The following STAG2 variants were observed in gnomAD, a reference collection of about 807,000 sequenced individuals.
STAG2 encodes STAG2 cohesin complex component.
In STAG2, 14 loss-of-function variants were observed where a neutral mutation model predicts 108.1. The ratio of observed to expected loss-of-function variants is 0.13; its 90% confidence interval spans 0.09 to 0.20. STAG2 has a LOEUF of 0.20. Among genes scored for constraint, STAG2 ranks in the 10% least tolerant of loss-of-function variants. STAG2 has a pLI of 1.00. For missense variants in STAG2, 440 were observed against 940.9 expected (o/e 0.47, Z 6.96); for synonymous variants, 307 against 302.7 (o/e 1.01, Z -0.15).
At chrX:124,044,708 G>A (rs974615480) in intron 7 of STAG2, among the ~76,000 whole-genome samples, 3 of 111,954 alleles carry the variant, frequency 2.7e-5, no homozygotes, top group Non-Finnish European at 5.6e-5. Flanking sequence ...TGTTGACTGT[G>A]TGATGTATTT....
chrX:124,086,299 T>C (rs1167016172), intron 29 of STAG2, among the ~76,000 whole-genome samples: 1 of 111,709 alleles, frequency 9.0e-6, no homozygotes, highest in Non-Finnish European at 1.9e-5. Context: ...CAGGTAGGTA[T>C]CATATCATAT....
At chrX:124,088,615 C>CTTTTTTT (rs35629422) in intron 30 of STAG2, among the ~76,000 whole-genome samples, 1 of 82,289 alleles carries the variant, frequency 1.2e-5, no homozygotes. Context: ...TATGTATAAT[C>CTTTTTTT]TTTTTTTTTT....
chrX:124,063,171 A>T lies in STAG2; in HGVS notation c.1787A>T (p.Asp596Val). Residue 596 changes from aspartate (D) to valine (V), a missense_variant, in exon 19 of 35, where the codon GAT (aspartate) becomes GTT (valine). Asp to Val is a radical substitution (Grantham distance 152). Transcript: ENST00000371145. ...TTGTTGCAGTTGCCTCAGTACTTTG[A>T]TTTGGAAATATATACCACTGGACGA... Reference protein sequence around the residue: ...TNLLQLPQYFDLEIYTTGRLE... With the variant: ...TNLLQLPQYFVLEIYTTGRLE... 8.3e-7 allele frequency: 1 copy of T among 1,204,852 alleles called. No individual in the cohort carries two copies. Among genetic ancestry groups the T allele is most frequent in the Non-Finnish European group, 1.1e-6 (1 of 890,842 alleles).
At chrX:124,063,699 A>AT (rs2058444803) in intron 19 of STAG2, 149 bp from the exon 20 acceptor site, 2 of 455,935 alleles carry the variant, frequency 4.4e-6, no homozygotes, top group Admixed American at 4.0e-5. Flanking sequence ...GTATTTATTT[A>AT]TCATGATTAG....
At chrX:123,990,676 A>G (rs73212914) in intron 1 of STAG2, among the ~76,000 whole-genome samples, 3,544 of 112,037 alleles carry the variant, frequency 0.032, 42 homozygotes, top group Middle Eastern at 0.06. Flanking sequence ...GGAAACTTAC[A>G]TAAAGTATAG....
intron 1 of STAG2, among the ~76,000 whole-genome samples, chrX:123,982,630 G>T (rs777781906): frequency 9.0e-6 from 1 of 110,696 alleles, no homozygotes; most frequent in Non-Finnish European, 1.9e-5. Context: ...CAAGTGATCC[G>T]CCCACCTTGG....
Position 123,983,974 on chromosome X carries a change from C to CT in STAG2, c.-163+22139dup, listed in dbSNP as rs199881082. Among the ~76,000 whole-genome samples, 219 of 61,426 alleles carry CT rather than the reference C, an allele frequency of 3.6e-3. 4 individuals are homozygous for CT. Among genetic ancestry groups the CT allele is most frequent in the East Asian group, 0.019 (35 of 1,870 alleles). 53.3% of individuals were successfully genotyped at this position (61,426 alleles called of 115,157 possible). A position where few individuals can be genotyped will look rare whatever the true frequency, so the allele number is the denominator to read the frequency against. Reference sequence around the variant, plus strand: ...AAAAAGAATAATTTTCTTTTCTTTTCTTTTTTTTTTTTTTTTTTTTTGAGA... The same window carrying CT: ...AAAAAGAATAATTTTCTTTTCTTTTCTTTTTTTTTTTTTTTTTTTTTTGAGA... On this transcript the variant is annotated intron_variant, in intron 1 of 34. Coordinates refer to ENST00000371145, the MANE Select transcript of STAG2 (RefSeq NM_001042750.2).
intron 3 of STAG2, among the ~76,000 whole-genome samples, chrX:124,023,488 T>C (rs943956664): frequency 4.5e-5 from 5 of 111,889 alleles, no homozygotes; most frequent in African/African-American, 1.6e-4. Context: ...CAGTGGAGTT[T>C]ATGAATCTTC....
intron 25 of STAG2, among the ~76,000 whole-genome samples, chrX:124,074,395 A>C (rs1447285176): frequency 3.5e-5 from 4 of 112,886 alleles, no homozygotes; most frequent in Non-Finnish European, 7.5e-5. Flanking sequence ...CGTTACAACA[A>C]ATATTTCAAT....
At chrX:124,004,019 A>AT (rs2056178168) in intron 1 of STAG2, among the ~76,000 whole-genome samples, 1 of 112,262 alleles carries the variant, frequency 8.9e-6, no homozygotes, top group African/African-American at 3.2e-5. Flanking sequence ...CATTTGAACC[A>AT]TTTTTAAGTG....
chrX:124,043,370 C>T (rs968033678), intron 7 of STAG2, among the ~76,000 whole-genome samples: 16 of 110,414 alleles, frequency 1.4e-4, no homozygotes, highest in Non-Finnish European at 2.7e-4. Context: ...AGGCTGGTCT[C>T]GAACTCATTA....
chrX:124,100,919 G>T lies in STAG2; in HGVS notation c.*322G>T. The T allele has an allele frequency of 5.0e-6, 1 of 200,167 alleles. No individual in the cohort carries two copies. The highest frequency in any genetic ancestry group is 2.0e-4 in the South Asian group (1 of 5,029). The allele number at this position is 200,167 out of a possible 1,213,427, so 16.5% of individuals were successfully genotyped here. A position where few individuals can be genotyped will look rare whatever the true frequency, so the allele number is the denominator to read the frequency against. Reference sequence around the variant, plus strand: ...AAAAACAAAATAACAATCTGAAGAGGCATTTGGTACAGATATGAATTCTCT... The same window carrying T: ...AAAAACAAAATAACAATCTGAAGAGTCATTTGGTACAGATATGAATTCTCT... On this transcript the variant is annotated 3_prime_UTR_variant, in exon 35 of 35. Coordinates refer to ENST00000371145, the MANE Select transcript of STAG2 (RefSeq NM_001042750.2).
intron 30 of STAG2, among the ~76,000 whole-genome samples, chrX:124,087,858 T>C (rs2059144390): frequency 8.9e-6 from 1 of 112,169 alleles, no homozygotes; most frequent in Non-Finnish European, 1.9e-5. Context: ...TAAAACTTGA[T>C]TGTCCTATGA....
In STAG2 at chrX:124,050,345, A is replaced by G. The variant is rs201834695; in HGVS notation, c.1017+36A>G. 3.4e-6 allele frequency: 4 copies of G among 1,171,116 alleles called. No individual in the cohort carries two copies. In the African/African-American group the frequency reaches 5.3e-5, roughly 16 times the overall value. ...CCCTTCAGACTGCTTCTTTCTACACATCGGCGTGGCTGTCTGCACCTCTCA... is the reference window on the plus strand; with the variant it reads ...CCCTTCAGACTGCTTCTTTCTACACGTCGGCGTGGCTGTCTGCACCTCTCA... On this transcript the variant is annotated intron_variant, in intron 11 of 34. Transcript: ENST00000371145.
intron 1 of STAG2, among the ~76,000 whole-genome samples, chrX:124,015,706 G>T (rs1422639239): frequency 8.9e-6 from 1 of 112,044 alleles, no homozygotes. Context: ...TCATCAAAGG[G>T]GCAGTAGTTT....
At chrX:123,973,080 T>TA (rs113670071) in intron 1 of STAG2, among the ~76,000 whole-genome samples, 13 of 103,330 alleles carry the variant, frequency 1.3e-4, no homozygotes, top group East Asian at 1.2e-3. Flanking sequence ...TAAAATAAAA[T>TA]AAAAAAAAAA....
Position 124,063,097 on chromosome X carries a change from T to G in STAG2, c.1732-19T>G, listed in dbSNP as rs2058428961. On this transcript the variant is annotated intron_variant, in intron 18 of 34. Coordinates refer to ENST00000371145, the MANE Select transcript of STAG2 (RefSeq NM_001042750.2). ...CTTTCTTATTGTGATATTTTTAACG[T>G]GATCTTTATATTTCACAGTACTCTG... is the stretch of plus-strand genomic sequence containing the variant. 9 of 1,186,899 alleles carry G rather than the reference T, an allele frequency of 7.6e-6. No homozygotes were observed. Among genetic ancestry groups the G allele is most frequent in the Non-Finnish European group, 6.8e-6 (6 of 877,039 alleles).
chrX:124,062,836 C>T, intron 17 of STAG2, 66 bp from the exon 18 acceptor site: 1 of 865,594 alleles, frequency 1.2e-6, no homozygotes, highest in South Asian at 2.7e-5. Flanking sequence ...TATGTTTTAA[C>T]TAAAACTTGA....
intron 1 of STAG2, among the ~76,000 whole-genome samples, chrX:123,977,074 T>C (rs942390057): frequency 6.3e-5 from 7 of 111,860 alleles, no homozygotes; most frequent in Non-Finnish European, 1.3e-4. Context: ...GCATGTGATA[T>C]GTGTCATGTT....
Sources: allele counts gnomAD v4.1 joint callset (sites outside exome capture counted in the v4.1 genomes callset), GRCh38; gene constraint gnomAD v4.1.1; transcripts MANE v1.5; gene names NCBI Gene and HGNC (gene_info 2026-07-23, HGNC 2026-07-21).